The following INCENP variants were observed in gnomAD, a reference collection of about 807,000 sequenced individuals.
INCENP encodes the protein binds and activates aurora-B and -C in vivo and in vitro.
INCENP carries 43 observed loss-of-function variants against 107.3 expected under a neutral mutation model. That is an observed-to-expected ratio of 0.40 (90% confidence interval 0.31 to 0.52). The LOEUF (loss-of-function observed/expected upper bound fraction) is 0.52, where lower values mean the gene tolerates loss of function less well. Ranked by LOEUF, INCENP falls within the 20% of genes least tolerant of loss-of-function variation. The probability of loss-of-function intolerance (pLI) is 0.53; values close to 1 mark genes in which losing one functional copy is unlikely to be tolerated. For missense variants in INCENP, 1,089 were observed against 1,250.9 expected, an observed-to-expected ratio of 0.87 and a Z score of 1.95; for synonymous variants, 488 against 494.4, an observed-to-expected ratio of 0.99 and a Z score of 0.17.
chr11:62,133,612 T>G (rs922139), intron 4 of INCENP, among the ~76,000 whole-genome samples: 80,364 of 152,118 alleles, frequency 0.53, 23,711 homozygotes, highest in Non-Finnish European at 0.68. Context: ...GGCCTGAATG[T>G]CGTGCAGATG....
rs770672558 is a variant in INCENP, at chr11:62,151,821, C to T, written c.2602C>T (p.Leu868Phe). Residue 868 changes from leucine to phenylalanine, a missense_variant, in exon 19 of 19, where the codon CTC (leucine) becomes TTC (phenylalanine). Leu to Phe is a conservative substitution (Grantham distance 22). Coordinates refer to ENST00000394818, the MANE Select transcript of INCENP (RefSeq NM_001040694.2). ...QYYHPPNLLE[L>F]FGTILPLDLE... is the part of the protein sequence containing the mutation. ...CTACCACCCACCGAACCTTCTGGAG[C>T]TCTTTGGAACCATTCTCCCACTGGA... 43 of 1,614,190 alleles carry T rather than the reference C, an allele frequency of 2.7e-5. No homozygotes were observed. Among genetic ancestry groups the T allele is most frequent in the Non-Finnish European group, 3.6e-5 (43 of 1,180,026 alleles).
Position 62,130,524 on chromosome 11 carries a change from C to T in INCENP, c.997C>T (p.Arg333Cys), listed in dbSNP as rs762016607. The change falls in exon 4 of 19, where the codon CGC becomes TGC. Residue 333 changes from arginine (R) to cysteine (C), a missense_variant. Coordinates refer to ENST00000394818, the MANE Select transcript of INCENP (RefSeq NM_001040694.2). Reference protein sequence around the residue: ...SLVAKQESVVRRASRRLAKKT... With the variant: ...SLVAKQESVVCRASRRLAKKT... ...GGTGGCCAAACAGGAAAGTGTTGTCCGCAGGGCGAGCAGAAGGCTTGCCAA... is the reference window on the plus strand; with the variant it reads ...GGTGGCCAAACAGGAAAGTGTTGTCTGCAGGGCGAGCAGAAGGCTTGCCAA... 15 of 1,613,916 alleles carry T rather than the reference C, an allele frequency of 9.3e-6. 1 individual carries two copies. The highest frequency in any genetic ancestry group is 5.0e-5 in the Admixed American group (3 of 60,000).
intron 4 of INCENP, among the ~76,000 whole-genome samples, chr11:62,135,773 G>A (rs932786753): frequency 7.9e-5 from 12 of 151,990 alleles, no homozygotes; most frequent in African/African-American, 2.2e-4. Context: ...GTGGATACGC[G>A]CTTTTCAAAA....
rs746941030 is a variant in INCENP, at chr11:62,129,977, G to A, written c.450G>A (p.Thr150=). Residue 150 remains threonine, a synonymous_variant, in exon 4 of 19, where the codon ACG becomes ACA. Transcript: ENST00000394818. ...CTTCACCCACCCCTGAGTCTCCCAC[G>A]ATGCTGACTAAGAAGCCCGAGGATA... ...APSSPTPESP[T]MLTKKPEDNH... is the part of the protein sequence containing the mutation. 7.4e-6 allele frequency: 12 copies of A among 1,613,956 alleles called. No individual in the cohort carries two copies. Among genetic ancestry groups the A allele is most frequent in the African/African-American group, 2.7e-5 (2 of 74,916 alleles).
rs1459194566 is a variant in INCENP at position 62,145,608 on chromosome 11, A to C, written c.1837-21A>C. 3 of 1,588,920 alleles carry C rather than the reference A, an allele frequency of 1.9e-6. No homozygotes were observed. In the East Asian group the frequency reaches 6.8e-5, roughly 36 times the overall value. ...ATTGAATGTGGGTGCTCCAATGGGC[A>C]TGTGTGGGTGGGCTCTGCAGGCCAA... On this transcript the variant is annotated intron_variant, in intron 13 of 18. Coordinates refer to ENST00000394818, the MANE Select transcript of INCENP (RefSeq NM_001040694.2).
At chr11:62,148,579 C>T (rs1031562344) in intron 16 of INCENP, 25 bp downstream of exon 16, 21 of 1,586,660 alleles carry the variant, frequency 1.3e-5, no homozygotes, top group East Asian at 4.5e-5. Context: ...GTTGCGGGCT[C>T]CCCTGGGGTC....
intron 4 of INCENP, among the ~76,000 whole-genome samples, chr11:62,134,820 G>A (rs535790210): frequency 6.6e-6 from 1 of 152,344 alleles, no homozygotes; most frequent in South Asian, 2.1e-4. Context: ...GGGAGGCCGA[G>A]GTGGGCAGAT....
Position 62,140,244 on chromosome 11 carries a change from G to A in INCENP, c.1302G>A (p.Thr434=), listed in dbSNP as rs144117865. The change falls in exon 8 of 19, where the codon ACG becomes ACA. Residue 434 remains threonine, a synonymous_variant. Coordinates refer to ENST00000394818, the MANE Select transcript of INCENP (RefSeq NM_001040694.2). ...TPSAGQQEAK[T]DQADGPREPP... Reference sequence around the variant, plus strand: ...TTGCTGTCTTCACAGAGGCCAAGACGGACCAAGCAGATGGACCCAGAGAGC... The same window carrying A: ...TTGCTGTCTTCACAGAGGCCAAGACAGACCAAGCAGATGGACCCAGAGAGC... The A allele has an allele frequency of 6.2e-3, 10,025 of 1,613,608 alleles. 815 individuals carry two copies. In the Admixed American group the frequency reaches 0.15, roughly 24 times the overall value.
chr11:62,127,504 C>A (rs1943778278), intron 1 of INCENP, among the ~76,000 whole-genome samples: 1 of 152,248 alleles, frequency 6.6e-6, no homozygotes, highest in Non-Finnish European at 1.5e-5. Flanking sequence ...GAGGGCATTT[C>A]AGCTCAAGGG....
intron 11 of INCENP, 32 bp downstream of exon 11, chr11:62,141,543 G>T: frequency 6.2e-7 from 1 of 1,613,768 alleles, no homozygotes; most frequent in Non-Finnish European, 8.5e-7. Context: ...CGGTAACCTC[G>T]CCCCACCTAG....
chr11:62,125,001 G>A (rs1226342939), intron 1 of INCENP, among the ~76,000 whole-genome samples: 1 of 152,260 alleles, frequency 6.6e-6, no homozygotes, highest in Admixed American at 6.5e-5. Flanking sequence ...GAAAAGGACA[G>A]GAGTCATAGA....
At chr11:62,140,384 T>C in intron 8 of INCENP, 99 bp downstream of exon 8, 1 of 1,051,388 alleles carries the variant, frequency 9.5e-7, no homozygotes, top group Admixed American at 1.7e-5. Flanking sequence ...CTCAGGGGCT[T>C]CAGAGCCTCT....
chr11:62,151,795 A>G lies in INCENP; in HGVS notation c.2576A>G (p.Tyr859Cys). ...TPLSQAIIHQ[Y>C]YHPPNLLELF... Reference sequence around the variant, plus strand: ...CTCAGCCAGGCTATCATTCACCAGTACTACCACCCACCGAACCTTCTGGAG... The same window carrying G: ...CTCAGCCAGGCTATCATTCACCAGTGCTACCACCCACCGAACCTTCTGGAG... Residue 859 changes from tyrosine (Y) to cysteine (C), a missense_variant, in exon 19 of 19, where the codon TAC (tyrosine) becomes TGC (cysteine). Physicochemically the swap from Tyr to Cys is radical, Grantham distance 194 (BLOSUM62 -2). Transcript: ENST00000394818. 1 of 1,614,062 alleles carries G rather than the reference A, an allele frequency of 6.2e-7. No homozygotes were observed. Among genetic ancestry groups the G allele is most frequent in the Non-Finnish European group, 8.5e-7 (1 of 1,179,988 alleles).
chr11:62,124,882 T>G (rs779795554), intron 1 of INCENP, among the ~76,000 whole-genome samples: 36 of 152,228 alleles, frequency 2.4e-4, no homozygotes, highest in Non-Finnish European at 4.9e-4. Flanking sequence ...TGGTGAGAAT[T>G]AAATGAGATG....
rs562866408 is a variant in INCENP, at chr11:62,129,821, C to T, written c.294C>T (p.Ser98=). 6.2e-7 allele frequency: 1 copy of T among 1,610,796 alleles called. No individual in the cohort carries two copies. Among genetic ancestry groups the T allele is most frequent in the African/African-American group, 1.3e-5 (1 of 75,046 alleles). ...AGTCTCGGAGCAGCCAGCTGAGCTC[C>T]CGACGCCTCCGCAGCAAGGACAGTG... ...RRKSRSSQLS[S]RRLRSKDSVE... Residue 98 remains serine (S), a synonymous_variant, in exon 4 of 19, where the codon TCC becomes TCT. Coordinates refer to ENST00000394818, the MANE Select transcript of INCENP (RefSeq NM_001040694.2).
intron 1 of INCENP, among the ~76,000 whole-genome samples, chr11:62,127,387 G>C (rs1006188726): frequency 4.6e-5 from 7 of 152,196 alleles, no homozygotes. Context: ...AAGAAAGTGA[G>C]AAAAAACTGT....
In INCENP at chr11:62,150,060, C is replaced by T; in HGVS notation, c.2395C>T (p.Pro799Ser). ...ALNVTVDVQS[P>S]ACTSYQMTPQ... ...ACGGCCACGTTTGTTTTTGCAGTCT[C>T]CAGCTTGTACCTCATATCAGATGAC... The change falls in exon 18 of 19, where the codon CCA (proline) becomes TCA (serine). Residue 799 changes from proline (P) to serine (S), a missense_variant. Physicochemically the swap from Pro to Ser is moderately conservative, Grantham distance 74. Coordinates refer to ENST00000394818, the MANE Select transcript of INCENP (RefSeq NM_001040694.2). 6.2e-7 allele frequency: 1 copy of T among 1,613,822 alleles called. No individual in the cohort carries two copies. The highest frequency in any genetic ancestry group is 1.3e-5 in the African/African-American group (1 of 75,046).
At chr11:62,138,103 G>A in intron 5 of INCENP, 1 of 596,946 alleles carries the variant, frequency 1.7e-6, no homozygotes, top group Admixed American at 2.8e-5. Context: ...TGGTTGCCTG[G>A]CTAGACCTGA....
At chr11:62,135,675 C>T (rs1005496555) in intron 4 of INCENP, among the ~76,000 whole-genome samples, 2 of 152,198 alleles carry the variant, frequency 1.3e-5, no homozygotes, top group African/African-American at 2.4e-5. Context: ...TGACACCCTT[C>T]ATTATATAAT....
Sources: gnomAD v4.1 joint callset for allele counts (sites outside exome capture counted in the v4.1 genomes callset) on GRCh38, gnomAD v4.1.1 for gene constraint, MANE v1.5 for transcripts, NCBI Gene and HGNC (gene_info 2026-07-23, HGNC 2026-07-21) for gene names.